The following AHI1 variants were observed in gnomAD, a reference collection of about 807,000 sequenced individuals.
AHI1 encodes jouberin.
A neutral mutation model predicts 149.3 loss-of-function variants in AHI1; 123 were observed. That is an observed-to-expected ratio of 0.82 (90% CI 0.71 to 0.96). The LOEUF (loss-of-function observed/expected upper bound fraction) is 0.96, where lower values mean the gene tolerates loss of function less well. AHI1 is among the 40% of genes least tolerant of loss of function. The pLI is 0.00. For synonymous variants in AHI1, 475 were observed against 459.8 expected (o/e 1.03, Z -0.42); for missense variants, 1,439 against 1,422.7 (o/e 1.01, Z -0.18).
chr6:135,448,396 G>A lies in AHI1; in HGVS notation c.1520C>T (p.Ser507Phe), dbSNP rs772269905. 2 of 1,606,598 alleles carry A rather than the reference G, an allele frequency of 1.2e-6. No homozygotes were observed. The highest frequency in any genetic ancestry group is 3.3e-5 in the Admixed American group (2 of 59,980). ...QLYYPPTKPR[S>F]PLSVVEAFEW... ...AAATGCCTCAACAACACTTAATGGG[G>A]ATCGAGGCTTAGTAGGTGGGTAATA... Residue 507 changes from serine to phenylalanine, a missense_variant, in exon 12 of 29, where the codon TCC becomes TTC. Physicochemically the swap from Ser to Phe is radical, Grantham distance 155. Transcript: ENST00000265602.
At chr6:135,320,605 A>G (rs1322909973) in intron 25 of AHI1, among the ~76,000 whole-genome samples, 2 of 152,178 alleles carry the variant, frequency 1.3e-5, no homozygotes, top group Admixed American at 1.3e-4. Context: ...TAGCTTTTTA[A>G]TTCACTGTAG....
At chr6:135,340,332 G>A (rs1009724784) in intron 24 of AHI1, among the ~76,000 whole-genome samples, 8 of 151,396 alleles carry the variant, frequency 5.3e-5, no homozygotes, top group African/African-American at 7.3e-5. Flanking sequence ...AGATCGCACC[G>A]TGCACTCCAT....
At chr6:135,307,623 T>C (rs1425001050) in intron 26 of AHI1, among the ~76,000 whole-genome samples, 1 of 151,964 alleles carries the variant, frequency 6.6e-6, no homozygotes, top group East Asian at 1.9e-4. Flanking sequence ...TTACAGGATC[T>C]TAAAATGAAA....
At chr6:135,431,337 T>C (rs1223262174) in intron 16 of AHI1, 23 bp from the exon 17 acceptor site, 2 of 1,430,036 alleles carry the variant, frequency 1.4e-6, no homozygotes, top group East Asian at 2.3e-5. Context: ...ATAAGATCAC[T>C]CACTTATGAA....
intron 24 of AHI1, among the ~76,000 whole-genome samples, chr6:135,348,718 G>GA (rs1401494197): frequency 6.6e-6 from 1 of 152,056 alleles, no homozygotes; most frequent in East Asian, 1.9e-4. Context: ...TAACACAGTT[G>GA]AAAAAATCAA....
chr6:135,329,871 C>A (rs1562513331), intron 24 of AHI1, among the ~76,000 whole-genome samples: 1 of 152,072 alleles, frequency 6.6e-6, no homozygotes, highest in Non-Finnish European at 1.5e-5. Flanking sequence ...TTATTCTGAC[C>A]CTCATGGATG....
intron 26 of AHI1, among the ~76,000 whole-genome samples, chr6:135,308,545 A>G (rs1299023427): frequency 6.6e-6 from 1 of 152,204 alleles, no homozygotes; most frequent in South Asian, 2.1e-4. Context: ...TGAACCTTTG[A>G]AAAAACATCA....
intron 23 of AHI1, among the ~76,000 whole-genome samples, chr6:135,376,098 G>A (rs1775872683): frequency 6.6e-6 from 1 of 151,926 alleles, no homozygotes; most frequent in South Asian, 2.1e-4. Context: ...AGGAATGGGG[G>A]GCGGGGCGGG....
intron 23 of AHI1, among the ~76,000 whole-genome samples, chr6:135,364,264 G>T (rs1794521270): frequency 6.6e-6 from 1 of 151,414 alleles, no homozygotes; most frequent in Non-Finnish European, 1.5e-5. Flanking sequence ...GGGCGGCAGG[G>T]CAGAGGTGCT....
At chr6:135,330,522 T>C (rs1315040887) in intron 24 of AHI1, among the ~76,000 whole-genome samples, 2 of 152,254 alleles carry the variant, frequency 1.3e-5, no homozygotes, top group East Asian at 1.9e-4. Context: ...GTTTTAAACA[T>C]AGTTTTCTAT....
intron 23 of AHI1, among the ~76,000 whole-genome samples, chr6:135,368,297 G>A (rs1251100446): frequency 6.6e-6 from 1 of 152,150 alleles, no homozygotes; most frequent in Non-Finnish European, 1.5e-5. Context: ...TTTGTTTAGT[G>A]TGCTGGTTTT....
At chr6:135,301,179 T>C (rs1783833382) in intron 26 of AHI1, 3 of 981,998 alleles carry the variant, frequency 3.1e-6, no homozygotes, top group African/African-American at 1.7e-5. Flanking sequence ...TTTGATATGA[T>C]ATATAATCTA....
At chr6:135,372,643 G>A (rs1020184288) in intron 23 of AHI1, among the ~76,000 whole-genome samples, 8 of 152,156 alleles carry the variant, frequency 5.3e-5, no homozygotes, top group African/African-American at 1.2e-4. Flanking sequence ...TTGCACCACT[G>A]CACTCCAGCC....
At chr6:135,438,327 C>G in intron 15 of AHI1, 48 bp downstream of exon 15, 1 of 1,480,576 alleles carries the variant, frequency 6.8e-7, no homozygotes. Flanking sequence ...TCTTTGCTTT[C>G]CTTGACAGCA....
In AHI1 at chr6:135,292,374, A is replaced by C. The variant is rs570784084; in HGVS notation, c.3486-1849T>G. Among the ~76,000 whole-genome samples the C allele has an allele frequency of 3.9e-5, 6 of 152,292 alleles. No individual in the cohort carries two copies. In the South Asian group the frequency reaches 1.2e-3, roughly 32 times the overall value. On this transcript the variant is annotated intron_variant, in intron 27 of 28. Coordinates refer to ENST00000265602, the MANE Select transcript of AHI1 (RefSeq NM_001134831.2). ...TTTCTTCTTTTATCTCTCACAATCT[A>C]TATACAATCTATCAAAAGGCTACCT...
intron 23 of AHI1, among the ~76,000 whole-genome samples, chr6:135,394,045 C>T (rs1778881694): frequency 6.6e-6 from 1 of 152,008 alleles, no homozygotes. Flanking sequence ...GTAAATTATG[C>T]TGATCTTCTC....
intron 23 of AHI1, among the ~76,000 whole-genome samples, chr6:135,360,849 AGTCT>A (rs1793753335): frequency 6.6e-6 from 1 of 152,224 alleles, no homozygotes; most frequent in African/African-American, 2.4e-5. Context: ...TTATAAAAGC[AGTCT>A]GTCAGCAGAA....
At chr6:135,310,159 G>T (rs1488103178) in intron 26 of AHI1, among the ~76,000 whole-genome samples, 1 of 152,024 alleles carries the variant, frequency 6.6e-6, no homozygotes, top group Non-Finnish European at 1.5e-5. Flanking sequence ...TTTGTTGTTG[G>T]ACTTAATATA....
At chr6:135,496,997 C>G (rs6928455) in intron 2 of AHI1, among the ~76,000 whole-genome samples, 191 bp downstream of exon 2, 1 of 152,170 alleles carries the variant, frequency 6.6e-6, no homozygotes, top group Non-Finnish European at 1.5e-5. Context: ...GTGAAAAAAT[C>G]GTTGGCATCT....
Sources: gnomAD v4.1 joint callset for allele counts (sites outside exome capture counted in the v4.1 genomes callset) on GRCh38, gnomAD v4.1.1 for gene constraint, MANE v1.5 for transcripts, NCBI Gene and HGNC (gene_info 2026-07-23, HGNC 2026-07-21) for gene names.